The following FGF1 variants were observed in gnomAD, a reference collection of about 807,000 sequenced individuals.
FGF1 encodes the protein beta-endothelial cell growth factor.
FGF1 carries 9 observed loss-of-function variants against 13.4 expected under a neutral mutation model. That is an observed-to-expected ratio of 0.67 (90% CI 0.40 to 1.17). FGF1 has a LOEUF of 1.17. Among genes scored for constraint, FGF1 ranks in the 50% most tolerant of loss-of-function variants. The pLI is 0.01. For synonymous variants in FGF1, 93 were observed against 79.0 expected (o/e 1.18, Z -0.94); for missense variants, 156 against 192.7 (o/e 0.81, Z 1.13).
At chr5:142,630,484 T>G (rs892149768) in intron 1 of FGF1, among the ~76,000 whole-genome samples, 2 of 152,194 alleles carry the variant, frequency 1.3e-5, no homozygotes, top group African/African-American at 4.8e-5. Context: ...CTTTTAAAGT[T>G]TATATCAGAT....
chr5:142,631,684 C>G (rs1763395514), intron 1 of FGF1, among the ~76,000 whole-genome samples: 1 of 152,132 alleles, frequency 6.6e-6, no homozygotes, highest in African/African-American at 2.4e-5. Context: ...GGTTAACACC[C>G]GTTGCCTCAG....
intron 1 of FGF1, among the ~76,000 whole-genome samples, chr5:142,652,915 T>G (rs7706055): frequency 0.12 from 18,748 of 152,256 alleles, 2,378 homozygotes; most frequent in African/African-American, 0.32. Flanking sequence ...AAAAATGGGT[T>G]CACATCAAAT....
At chr5:142,695,961 G>A (rs1753048350) in intron 2 of FGF1, among the ~76,000 whole-genome samples, 1 of 152,198 alleles carries the variant, frequency 6.6e-6, no homozygotes, top group South Asian at 2.1e-4. Flanking sequence ...CACAAGTCAA[G>A]ATGAGTTCAC....
At chr5:142,686,219 G>C (rs1751171856), upstream of FGF1, 1 of 151,954 alleles carries the variant, frequency 6.6e-6, no homozygotes, top group African/African-American at 2.4e-5. Flanking sequence ...GTGTAGGCTG[G>C]GGGAGCCAAG....
chr5:142,638,369 C>T (rs1166446234), intron 1 of FGF1, among the ~76,000 whole-genome samples: 1 of 152,070 alleles, frequency 6.6e-6, no homozygotes, highest in African/African-American at 2.4e-5. Flanking sequence ...CCTCAGACTT[C>T]ACCCCGGAGG....
At chr5:142,679,055 GC>G (rs1773203142) in intron 1 of FGF1, among the ~76,000 whole-genome samples, 1 of 152,252 alleles carries the variant, frequency 6.6e-6, no homozygotes, top group Non-Finnish European at 1.5e-5. Flanking sequence ...TGCCCTTCTA[GC>G]CCATCGTTCC....
At chr5:142,665,794 C>G (rs1770193293) in intron 1 of FGF1, among the ~76,000 whole-genome samples, 1 of 152,214 alleles carries the variant, frequency 6.6e-6, no homozygotes, top group Non-Finnish European at 1.5e-5. Flanking sequence ...ACGTAGCTCT[C>G]CTCTTCAAGC....
At chr5:142,644,055 T>C (rs1343327085) in intron 1 of FGF1, 3 of 152,214 alleles carry the variant, frequency 2.0e-5, no homozygotes, top group African/African-American at 7.2e-5. Flanking sequence ...AACTGTGGCC[T>C]TCCAGAATGT....
chr5:142,691,236 C>A lies in FGF1; in HGVS notation c.-35+6386G>T, dbSNP rs529631926. Among the ~76,000 whole-genome samples the A allele has an allele frequency of 1.9e-4, 29 of 152,154 alleles. No individual in the cohort carries two copies. The South Asian group carries it at 5.2e-3, about 27-fold the overall frequency. The stretch of plus-strand genomic sequence containing the variant: ...AGGAGTTCGAGACTAGCCTGGCCAA[C>A]ATGGTGAAACCCCGTCTCTACTAAA... On this transcript the variant is annotated intron_variant, in intron 2 of 4. Coordinates refer to the FGF1 transcript ENST00000407758.
At chr5:142,675,804 G>C (rs573593644) in intron 1 of FGF1, among the ~76,000 whole-genome samples, 5 of 152,320 alleles carry the variant, frequency 3.3e-5, no homozygotes, top group Non-Finnish European at 5.9e-5. Context: ...TGCAGTCACT[G>C]TCCAAATGAT....
intron 1 of FGF1, among the ~76,000 whole-genome samples, chr5:142,633,732 G>T (rs1763761753): frequency 6.6e-6 from 1 of 152,144 alleles, no homozygotes; most frequent in Admixed American, 6.5e-5. Flanking sequence ...ACTCTTTGGG[G>T]CCCAATTTAC....
At chr5:142,651,403 G>A (rs4912872) in intron 1 of FGF1, among the ~76,000 whole-genome samples, 18,504 of 152,168 alleles carry the variant, frequency 0.12, 1,152 homozygotes, top group Middle Eastern at 0.14. Flanking sequence ...AAAGGACAGA[G>A]AATTCCTCTT....
At chr5:142,615,280 C>T (rs560645528) in intron 1 of FGF1, among the ~76,000 whole-genome samples, 6 of 152,056 alleles carry the variant, frequency 3.9e-5, no homozygotes, top group East Asian at 3.9e-4. Context: ...TGCAGTAGCA[C>T]GATCTCAGCT....
At chr5:142,694,025 CA>C (rs1752665595) in intron 2 of FGF1, among the ~76,000 whole-genome samples, 1 of 149,696 alleles carries the variant, frequency 6.7e-6, no homozygotes, top group African/African-American at 2.5e-5. Context: ...TTGGGTCTAG[CA>C]GTGTTTTTTT....
intron 2 of FGF1, among the ~76,000 whole-genome samples, chr5:142,693,009 G>A (rs1752483817): frequency 6.6e-6 from 1 of 152,322 alleles, no homozygotes; most frequent in South Asian, 2.1e-4. Context: ...AAACCCAGAA[G>A]TGAAAATAAA....
intron 1 of FGF1, chr5:142,672,025 A>G (rs1344773473): frequency 6.6e-6 from 1 of 152,236 alleles, no homozygotes. Context: ...CACAAAAAAC[A>G]TACTTGAGAG....
chr5:142,659,252 CAG>C (rs1768745553), intron 1 of FGF1, among the ~76,000 whole-genome samples: 5 of 136,258 alleles, frequency 3.7e-5, no homozygotes, highest in African/African-American at 8.5e-5. Context: ...TTTTTTGAGA[CAG>C]GGTCTCGCTC....
chr5:142,680,315 C>T (rs529580592), intron 1 of FGF1, among the ~76,000 whole-genome samples: 2 of 152,280 alleles, frequency 1.3e-5, no homozygotes, highest in Non-Finnish European at 1.5e-5. Context: ...ACACCAGACA[C>T]GTCTTCTGAA....
In FGF1 at chr5:142,629,895, A is replaced by AT. The variant is rs35168859; in HGVS notation, c.-34-15735dup. Among the ~76,000 whole-genome samples, 386 of 127,798 alleles carry AT rather than the reference A, an allele frequency of 3.0e-3. 4 individuals carry two copies. The highest frequency in any genetic ancestry group is 9.6e-3 in the Admixed American group (117 of 12,176). The allele number at this position is 127,798 out of a possible 152,430, so 83.8% of individuals were successfully genotyped here. On this transcript the variant is annotated intron_variant, in intron 1 of 3. Transcript: ENST00000337706. ...ATATATATTATATATATATATATAT[A>AT]TTTTTTTTTTTTCTTTGAGATAGAG...
Sources: allele counts gnomAD v4.1 joint callset (sites outside exome capture counted in the v4.1 genomes callset), GRCh38; gene constraint gnomAD v4.1.1; transcripts MANE v1.5; gene names NCBI Gene and HGNC (gene_info 2026-07-23, HGNC 2026-07-21).